Variants in MFAP2 observed in about 807,000 individuals in gnomAD.
MFAP2 encodes microfibrillar-associated protein 2.
MFAP2 carries 23 observed loss-of-function variants against 30.6 expected under a neutral mutation model. That is an observed-to-expected ratio of 0.75 (90% CI 0.54 to 1.07). MFAP2 has a LOEUF of 1.07. Among genes scored for constraint, MFAP2 ranks in the 50% least tolerant of loss-of-function variants. The pLI is 0.00. For synonymous variants in MFAP2, 73 were observed against 85.7 expected (o/e 0.85, Z 0.82); for missense variants, 198 against 223.8 (o/e 0.88, Z 0.74).
At position 16,976,649 on chromosome 1, in the gene MFAP2, CAG is replaced by C; in HGVS notation, c.241+57_241+58del. ...GGCAGACCCCCACTCCCAGGGTTGA[CAG>C]GGTGGGGAGGGGTGAGGCAGGAGCT... On this transcript the variant is annotated intron_variant, in intron 5 of 8. Coordinates refer to ENST00000375535, the MANE Select transcript of MFAP2 (RefSeq NM_002403.4). The surrounding 1 kb of genome is among the most constrained non-coding windows in gnomAD (Gnocchi z 5.5). 1 of 1,610,008 alleles carries C rather than the reference CAG, an allele frequency of 6.2e-7. No homozygotes were observed. Among genetic ancestry groups the C allele is most frequent in the South Asian group, 1.1e-5 (1 of 90,964 alleles).
At position 16,975,230 on chromosome 1, in the gene MFAP2, G is replaced by A. The variant is rs767688932; in HGVS notation, c.448+39C>T. 4.9e-5 allele frequency: 77 copies of A among 1,581,174 alleles called. No homozygotes were observed. The South Asian group carries it at 6.8e-4, about 14-fold the overall frequency. On this transcript the variant is annotated intron_variant, in intron 8 of 8. Coordinates refer to ENST00000375535, the MANE Select transcript of MFAP2 (RefSeq NM_002403.4). This position sits in a 1 kb window ranked among gnomAD's most constrained non-coding sequence, Gnocchi z 5.0. ...TAGGTGGCCAGATAATGATGCGGGT[G>A]TGGGGACAGGGGAGGTCTTGGGGAG...
At position 16,974,731 on chromosome 1, in the gene MFAP2, G is replaced by A; in HGVS notation, c.*189C>T. 1 of 250,352 alleles carries A rather than the reference G, an allele frequency of 4.0e-6. No individual in the cohort carries two copies. The highest frequency in any genetic ancestry group is 4.3e-5 in the South Asian group (1 of 23,332). 15.5% of individuals were successfully genotyped at this position (250,352 alleles called of 1,614,324 possible). A position where few individuals can be genotyped will look rare whatever the true frequency, so the allele number is the denominator to read the frequency against. Reference sequence around the variant, plus strand: ...GACTGGGCAGTGGGGAGCCCCCATTGTGCCCCAGAGGTGGCCACAGGCTGA... The same window carrying A: ...GACTGGGCAGTGGGGAGCCCCCATTATGCCCCAGAGGTGGCCACAGGCTGA... On this transcript the variant is annotated 3_prime_UTR_variant, in exon 9 of 9. Transcript: ENST00000375535.
At chr1:16,978,365 C>G in intron 1 of MFAP2, 51 bp from the exon 2 acceptor site, 3 of 1,430,144 alleles carry the variant, frequency 2.1e-6, no homozygotes, top group Non-Finnish European at 9.6e-7. Context: ...CCCAGGACAG[C>G]AGAGCTCACC....
chr1:16,976,739 G>C lies in MFAP2; in HGVS notation c.210C>G (p.Val70=). The C allele has an allele frequency of 6.2e-7, 1 of 1,613,854 alleles. No individual in the cohort carries two copies. Residue 70 remains valine (V), a synonymous_variant, in exon 5 of 9, where the codon GTC becomes GTG. Transcript: ENST00000375535. This position sits in a 1 kb window ranked among gnomAD's most constrained non-coding sequence, Gnocchi z 5.5. ...TTGGGGCTGGGATGACTTCCTGTTGGACTTGCTGCTGGGACTGGAACTGGA... is the reference window on the plus strand; with the variant it reads ...TTGGGGCTGGGATGACTTCCTGTTGCACTTGCTGCTGGGACTGGAACTGGA... ...EQFQFQSQQQ[V]QQEVIPAPTP... is the part of the protein sequence containing the mutation.
At chr1:16,979,703 A>G (rs943140934) in intron 1 of MFAP2, among the ~76,000 whole-genome samples, 2 of 152,218 alleles carry the variant, frequency 1.3e-5, no homozygotes, top group Non-Finnish European at 2.9e-5. Context: ...CCCGCTGCTC[A>G]GCAGAAGGCG....
At chr1:16,979,886 T>C (rs2100589493) in intron 1 of MFAP2, among the ~76,000 whole-genome samples, 1 of 152,224 alleles carries the variant, frequency 6.6e-6, no homozygotes, top group Admixed American at 6.5e-5. Flanking sequence ...CATGAACTCC[T>C]CCCACGGGAC....
At chr1:16,980,328 A>G (rs1401249724) in intron 1 of MFAP2, among the ~76,000 whole-genome samples, 15 of 112,322 alleles carry the variant, frequency 1.3e-4, no homozygotes, top group Admixed American at 1.3e-3. Context: ...AAGATGTCCC[A>G]TCCCCCGACG....
upstream of MFAP2, among the ~76,000 whole-genome samples, chr1:16,981,359 G>A (rs2076637008): frequency 6.6e-6 from 1 of 152,118 alleles, no homozygotes; most frequent in Admixed American, 6.5e-5. Context: ...GCTTCAACAA[G>A]CATCCAAGTC....
upstream of MFAP2, among the ~76,000 whole-genome samples, chr1:16,981,421 A>T (rs994639820): frequency 1.3e-5 from 2 of 151,092 alleles, no homozygotes; most frequent in Non-Finnish European, 3.0e-5. Flanking sequence ...CAGGATTCCC[A>T]GTCCCCCCTT....
rs781156929 is a variant in MFAP2 at position 16,976,028 on chromosome 1, G to A, written c.287-298C>T. 20 of 474,266 alleles carry A rather than the reference G, an allele frequency of 4.2e-5. No individual in the cohort carries two copies. Among genetic ancestry groups the A allele is most frequent in the Non-Finnish European group, 7.2e-5 (19 of 262,254 alleles). 29.4% of individuals were successfully genotyped at this position (474,266 alleles called of 1,614,324 possible). ...CCAACTCCCGAGCAGACGTGCCCAC[G>A]CTCACAGAAGCCCACATAGGAGCGC... On this transcript the variant is annotated intron_variant, in intron 6 of 8. Transcript: ENST00000375535. The surrounding 1 kb of genome is among the most constrained non-coding windows in gnomAD (Gnocchi z 5.5).
chr1:16,977,445 T>A (rs2076602754), intron 2 of MFAP2: 1 of 498,174 alleles, frequency 2.0e-6, no homozygotes, highest in South Asian at 2.6e-5. Flanking sequence ...CTCCTAGGAC[T>A]CCACATGCTC....
Position 16,975,138 on chromosome 1 carries a change from G to C in MFAP2, c.449-115C>G, listed in dbSNP as rs2076577888. Reference sequence around the variant, plus strand: ...TGAGGATGAAAAGTAGCAAGGAGGGGAGCTCAGGGTGTCCTGGAAGTGGGC... The same window carrying C: ...TGAGGATGAAAAGTAGCAAGGAGGGCAGCTCAGGGTGTCCTGGAAGTGGGC... On this transcript the variant is annotated intron_variant, in intron 8 of 8. Coordinates refer to ENST00000375535, the MANE Select transcript of MFAP2 (RefSeq NM_002403.4). The surrounding 1 kb of genome is among the most constrained non-coding windows in gnomAD (Gnocchi z 5.0). 3.1e-6 allele frequency: 4 copies of C among 1,277,368 alleles called. No individual in the cohort carries two copies. In the South Asian group the frequency reaches 5.2e-5, roughly 16 times the overall value. 79.1% of individuals were successfully genotyped at this position (1,277,368 alleles called of 1,614,324 possible).
At position 16,975,334 on chromosome 1, in the gene MFAP2, C is replaced by G. The variant is rs373562256; in HGVS notation, c.383G>C (p.Arg128Pro). Residue 128 changes from arginine to proline, a missense_variant, in exon 8 of 9, where the codon CGT becomes CCT. Arg to Pro is a moderately radical substitution (Grantham distance 103, BLOSUM62 -2). Transcript: ENST00000375535. This position sits in a 1 kb window ranked among gnomAD's most constrained non-coding sequence, Gnocchi z 5.0. ...LNEVCFYSLR[R>P]VYVINKEICV... ...GATCTCCTTGTTAATGACGTACACACGGCGGAGGCTGCGGGGACAGGGCAC... is the reference window on the plus strand; with the variant it reads ...GATCTCCTTGTTAATGACGTACACAGGGCGGAGGCTGCGGGGACAGGGCAC... 46 of 1,613,836 alleles carry G rather than the reference C, an allele frequency of 2.9e-5. No individual in the cohort carries two copies. The highest frequency in any genetic ancestry group is 3.9e-5 in the Non-Finnish European group (46 of 1,179,858).
chr1:16,979,589 C>T (rs925095110), intron 1 of MFAP2, among the ~76,000 whole-genome samples: 2 of 152,210 alleles, frequency 1.3e-5, no homozygotes, highest in Non-Finnish European at 2.9e-5. Flanking sequence ...AGCTGGCTCC[C>T]CACACCCCAT....
Position 16,974,789 on chromosome 1 carries a change from C to T in MFAP2, c.*131G>A. 4.4e-6 allele frequency: 2 copies of T among 453,946 alleles called. No individual in the cohort carries two copies. The highest frequency in any genetic ancestry group is 4.6e-5 in the Admixed American group (1 of 21,756). 28.1% of individuals were successfully genotyped at this position (453,946 alleles called of 1,614,324 possible). On this transcript the variant is annotated 3_prime_UTR_variant, in exon 9 of 9. Coordinates refer to ENST00000375535, the MANE Select transcript of MFAP2 (RefSeq NM_002403.4). ...GCCTGAGGCACCGCAGCCTGCAACC[C>T]CCAGGGCTGCAGTCCACTAACTTTT...
chr1:16,976,432 C>G lies in MFAP2; in HGVS notation c.286+69G>C, dbSNP rs1256156094. On this transcript the variant is annotated intron_variant, in intron 6 of 8. Coordinates refer to ENST00000375535, the MANE Select transcript of MFAP2 (RefSeq NM_002403.4). This position sits in a 1 kb window ranked among gnomAD's most constrained non-coding sequence, Gnocchi z 5.5. The stretch of plus-strand genomic sequence containing the variant: ...GGGCCAAAGACCTCCAGCCCACCAG[C>G]ACCACCCCCTACTCCACCCCAACTT... 25 of 1,598,650 alleles carry G rather than the reference C, an allele frequency of 1.6e-5. No homozygotes were observed. The African/African-American group carries it at 2.8e-4, about 18-fold the overall frequency.
At chr1:16,977,317 C>G in intron 2 of MFAP2, 119 bp from the exon 3 acceptor site, 5 of 871,322 alleles carry the variant, frequency 5.7e-6, no homozygotes, top group Non-Finnish European at 8.8e-6. Context: ...TAGGACCCCA[C>G]AAGCAGATTC....
In MFAP2 at chr1:16,975,226, G is replaced by T; in HGVS notation, c.448+43C>A. On this transcript the variant is annotated intron_variant, in intron 8 of 8. Transcript: ENST00000375535. This position sits in a 1 kb window ranked among gnomAD's most constrained non-coding sequence, Gnocchi z 5.0. ...TGGCTAGGTGGCCAGATAATGATGC[G>T]GGTGTGGGGACAGGGGAGGTCTTGG... 1 of 1,564,242 alleles carries T rather than the reference G, an allele frequency of 6.4e-7. No homozygotes were observed. Among genetic ancestry groups the T allele is most frequent in the Non-Finnish European group, 8.8e-7 (1 of 1,138,302 alleles).
chr1:16,975,531 A>G lies in MFAP2; in HGVS notation c.374+112T>C. On this transcript the variant is annotated intron_variant, in intron 7 of 8. Transcript: ENST00000375535. This position sits in a 1 kb window ranked among gnomAD's most constrained non-coding sequence, Gnocchi z 5.0. ...CAACCACAGAACTGAGCTCAACTTA[A>G]GGACTCACTATCTTTCCTCCAACTC... The G allele has an allele frequency of 7.9e-7, 1 of 1,272,166 alleles. No homozygotes were observed. Among genetic ancestry groups the G allele is most frequent in the African/African-American group, 1.5e-5 (1 of 67,770 alleles). 78.8% of individuals were successfully genotyped at this position (1,272,166 alleles called of 1,614,324 possible).
Sources: gnomAD v4.1 joint callset for allele counts (sites outside exome capture counted in the v4.1 genomes callset) on GRCh38, gnomAD v4.1.1 for gene constraint, Gnocchi (gnomAD v3.1) non-coding constraint, MANE v1.5 for transcripts, NCBI Gene and HGNC (gene_info 2026-07-23, HGNC 2026-07-21) for gene names.